SCMH1: variants seen among roughly 807,000 people sequenced by gnomAD.
SCMH1 encodes polycomb protein SCMH1.
In SCMH1, 37 loss-of-function variants were observed where a neutral mutation model predicts 70.8. That is an observed-to-expected ratio of 0.52 (90% CI 0.40 to 0.69). The LOEUF (loss-of-function observed/expected upper bound fraction) is 0.69. SCMH1 is among the 30% of genes least tolerant of loss of function. The pLI is 0.00. For synonymous variants in SCMH1, 292 were observed against 307.4 expected (o/e 0.95, Z 0.52); for missense variants, 607 against 827.3 (o/e 0.73, Z 3.27).
intron 12 of SCMH1, among the ~76,000 whole-genome samples, chr1:41,042,943 A>G (rs539954546): frequency 1.6e-4 from 24 of 152,348 alleles, no homozygotes; most frequent in Admixed American, 3.3e-4. Flanking sequence ...TGTTCTAGAT[A>G]AAGGAAACTA....
At chr1:41,150,978 C>T (rs1163516143) in intron 5 of SCMH1, among the ~76,000 whole-genome samples, 1 of 143,140 alleles carries the variant, frequency 7.0e-6, no homozygotes, top group African/African-American at 2.6e-5. Flanking sequence ...AAAATTCAAA[C>T]TCAACCTGAA....
At chr1:41,159,610 C>A in intron 4 of SCMH1, 1 of 1,185,812 alleles carries the variant, frequency 8.4e-7, no homozygotes, top group South Asian at 2.5e-5. Context: ...TTCAAATTGT[C>A]TGACTCCTAT....
chr1:41,198,946 C>T (rs1485657610), intron 1 of SCMH1, among the ~76,000 whole-genome samples: 1 of 152,018 alleles, frequency 6.6e-6, no homozygotes, highest in African/African-American at 2.4e-5. Flanking sequence ...TCCAACTACA[C>T]CAATTGGGAT....
intron 1 of SCMH1, among the ~76,000 whole-genome samples, chr1:41,230,676 T>A (rs1439634213): frequency 1.3e-5 from 2 of 149,912 alleles, no homozygotes; most frequent in East Asian, 3.9e-4. Flanking sequence ...AAAAAAAAAA[T>A]TAAAGAAATG....
intron 6 of SCMH1, among the ~76,000 whole-genome samples, chr1:41,125,621 G>A (rs927991040): frequency 5.3e-5 from 8 of 151,598 alleles, no homozygotes; most frequent in African/African-American, 1.9e-4. Context: ...CACCCAGGCT[G>A]GAGTGCAATA....
intron 6 of SCMH1, among the ~76,000 whole-genome samples, chr1:41,117,910 C>T (rs113499235): frequency 6.6e-6 from 1 of 151,990 alleles, no homozygotes; most frequent in South Asian, 2.1e-4. Flanking sequence ...ATCAGCGCAG[C>T]CTGGCATTCA....
chr1:41,159,039 C>T (rs1358667035), intron 4 of SCMH1, among the ~76,000 whole-genome samples: 1 of 152,110 alleles, frequency 6.6e-6, no homozygotes, highest in Non-Finnish European at 1.5e-5. Context: ...CAAGATAAGA[C>T]ATTTTACAAA....
chr1:41,057,606 T>C (rs1288002975), intron 10 of SCMH1, among the ~76,000 whole-genome samples: 2 of 152,064 alleles, frequency 1.3e-5, no homozygotes, highest in Non-Finnish European at 2.9e-5. Flanking sequence ...AAAAAAGGTA[T>C]ACTCAAGGAC....
At chr1:41,054,084 T>C (rs902780560) in intron 10 of SCMH1, among the ~76,000 whole-genome samples, 5 of 152,110 alleles carry the variant, frequency 3.3e-5, no homozygotes, top group Admixed American at 6.6e-5. Flanking sequence ...GACCTCATGA[T>C]CCGCCTGCCT....
At chr1:41,048,636 T>C in intron 11 of SCMH1, 54 bp downstream of exon 11, 1 of 1,508,346 alleles carries the variant, frequency 6.6e-7, no homozygotes, top group Non-Finnish European at 9.2e-7. Flanking sequence ...AATCAACCAG[T>C]TGAGAAGGTG....
intron 10 of SCMH1, among the ~76,000 whole-genome samples, chr1:41,066,155 T>C (rs1654517731): frequency 6.6e-6 from 1 of 152,096 alleles, no homozygotes; most frequent in Non-Finnish European, 1.5e-5. Flanking sequence ...GGATTGAAAA[T>C]GGTGCGTCAA....
intron 5 of SCMH1, among the ~76,000 whole-genome samples, chr1:41,149,985 G>T (rs953634133): frequency 6.6e-6 from 1 of 152,028 alleles, no homozygotes; most frequent in Non-Finnish European, 1.5e-5. Flanking sequence ...CTGACACTCT[G>T]TCCTAAAAAT....
intron 8 of SCMH1, among the ~76,000 whole-genome samples, chr1:41,094,317 G>T (rs1237555546): frequency 6.6e-6 from 1 of 152,084 alleles, no homozygotes; most frequent in Admixed American, 6.5e-5. Context: ...GCCTTGATTT[G>T]TGTCAAGGTG....
chr1:41,152,585 C>T, intron 4 of SCMH1: 2 of 1,613,710 alleles, frequency 1.2e-6, no homozygotes, highest in South Asian at 2.2e-5. Flanking sequence ...TACCAGTCTC[C>T]CCCTAATACC....
intron 4 of SCMH1, chr1:41,152,512 T>C (rs564174437): frequency 2.9e-6 from 4 of 1,400,934 alleles, no homozygotes; most frequent in Admixed American, 1.8e-5. Flanking sequence ...GCAGGAACAT[T>C]TGATACAGAC....
intron 13 of SCMH1, among the ~76,000 whole-genome samples, chr1:41,033,383 C>A (rs985265799): frequency 1.3e-5 from 2 of 152,002 alleles, no homozygotes; most frequent in Non-Finnish European, 2.9e-5. Flanking sequence ...CCTGATATAT[C>A]AACAATATTC....
At position 41,037,533 on chromosome 1, in the gene SCMH1, A is replaced by G. The variant is rs201026005; in HGVS notation, c.1507T>C (p.Phe503Leu). Residue 503 changes from phenylalanine (F) to leucine (L), a missense_variant, in exon 13 of 15, where the codon TTT becomes CTT. Transcript: ENST00000337495. The stretch of plus-strand genomic sequence containing the variant: ...CGGGCCAGACTATTCCCCAGGACAA[A>G]GGTTTCACCTGAAAAACAGTAAAAC... The G allele has an allele frequency of 3.1e-6, 5 of 1,613,848 alleles. No individual in the cohort carries two copies. In the Admixed American group the frequency reaches 8.3e-5, roughly 27 times the overall value.
chr1:41,098,498 CA>C (rs1333185729), intron 8 of SCMH1: 1 of 152,022 alleles, frequency 6.6e-6, no homozygotes, highest in African/African-American at 2.4e-5. Context: ...GATGAAGAAA[CA>C]AAGACTAATG....
rs1479017391 is a variant in SCMH1 at position 41,075,465 on chromosome 1, A to C, written c.746-14T>G. 1 of 1,604,694 alleles carries C rather than the reference A, an allele frequency of 6.2e-7. No homozygotes were observed. The highest frequency in any genetic ancestry group is 1.1e-5 in the South Asian group (1 of 90,902). On this transcript the variant is annotated splice_polypyrimidine_tract_variant and intron_variant, in intron 8 of 14. Transcript: ENST00000337495. ...TTGGAATCACAACTGCAAGAAAAAG[A>C]CTCATTCTATCACCCTCCCTCCCCC...
Sources: gnomAD v4.1 joint callset for allele counts (sites outside exome capture counted in the v4.1 genomes callset) on GRCh38, gnomAD v4.1.1 for gene constraint, MANE v1.5 for transcripts, NCBI Gene and HGNC (gene_info 2026-07-23, HGNC 2026-07-21) for gene names.